The following CDH18 variants were observed in gnomAD, a reference collection of about 807,000 sequenced individuals.
CDH18 encodes cadherin 18.
A neutral mutation model predicts 67.9 loss-of-function variants in CDH18; 31 were observed. The observed-to-expected ratio is 0.46, with a 90% CI of 0.34 to 0.62. The LOEUF (loss-of-function observed/expected upper bound fraction) is 0.62. CDH18 is among the 20% of genes least tolerant of loss of function. The probability of loss-of-function intolerance (pLI) is 0.01; values close to 1 mark genes in which losing one functional copy is unlikely to be tolerated. For synonymous variants in CDH18, 362 were observed against 347.2 expected (o/e 1.04, Z -0.48); for missense variants, 890 against 975.5 (o/e 0.91, Z 1.17).
chr5:20,406,886 C>T (rs1397453332), intron 1 of CDH18, among the ~76,000 whole-genome samples: 1 of 152,150 alleles, frequency 6.6e-6, no homozygotes, highest in South Asian at 2.1e-4. Context: ...CACATTAAAA[C>T]TGGTAGGAAA....
chr5:19,782,149 T>G (rs766830234), intron 3 of CDH18, among the ~76,000 whole-genome samples: 1 of 152,140 alleles, frequency 6.6e-6, no homozygotes, highest in Non-Finnish European at 1.5e-5. Flanking sequence ...GAAAGACGTT[T>G]AATTTACTCA....
intron 11 of CDH18, among the ~76,000 whole-genome samples, chr5:19,492,577 CT>C (rs1426191466): frequency 3.3e-5 from 5 of 152,040 alleles, no homozygotes; most frequent in African/African-American, 1.2e-4. Context: ...ACATTTCATA[CT>C]TTTTTGTTGT....
rs1741429096 is a variant in CDH18 at position 19,571,712 on chromosome 5, CAAT to C, written c.1117_1119del (p.Ile373del). 1 of 1,613,824 alleles carries C rather than the reference CAAT, an allele frequency of 6.2e-7. No individual in the cohort carries two copies. The highest frequency in any genetic ancestry group is 8.5e-7 in the Non-Finnish European group (1 of 1,179,936). On this transcript the variant is annotated inframe_deletion, in exon 8 of 13. Transcript: ENST00000382275. ...AGTGGTGGTTCATCTACATCCCCAA[CAAT>C]GATCTTCAGCATAGTAGCATCTTTA...
chr5:20,299,523 G>A (rs1196212609), intron 1 of CDH18, among the ~76,000 whole-genome samples: 1 of 151,834 alleles, frequency 6.6e-6, no homozygotes, highest in Non-Finnish European at 1.5e-5. Context: ...CACTTTGGGA[G>A]CCCGATGCAG....
chr5:19,803,573 G>A (rs1777690977), intron 3 of CDH18, among the ~76,000 whole-genome samples: 1 of 152,104 alleles, frequency 6.6e-6, no homozygotes, highest in South Asian at 2.1e-4. Flanking sequence ...ACCCATTATG[G>A]TAATTCAGCC....
At chr5:20,288,852 T>G (rs1746889207) in intron 1 of CDH18, among the ~76,000 whole-genome samples, 1 of 151,948 alleles carries the variant, frequency 6.6e-6, no homozygotes, top group Admixed American at 6.6e-5. Flanking sequence ...AACTTTTATA[T>G]TTTTAAAATA....
At chr5:19,749,910 G>GTA (rs1226184568) in intron 3 of CDH18, among the ~76,000 whole-genome samples, 1 of 151,634 alleles carries the variant, frequency 6.6e-6, no homozygotes, top group African/African-American at 2.4e-5. Context: ...ATTGTAATAA[G>GTA]ATTAGTAAAT....
chr5:20,261,158 T>G (rs2126632923), intron 1 of CDH18, among the ~76,000 whole-genome samples: 1 of 152,322 alleles, frequency 6.6e-6, no homozygotes, highest in African/African-American at 2.4e-5. Flanking sequence ...AATGCATTGT[T>G]TCAGTAGTCC....
intron 3 of CDH18, among the ~76,000 whole-genome samples, chr5:19,753,336 C>A (rs1026200554): frequency 6.6e-6 from 1 of 152,008 alleles, no homozygotes; most frequent in Non-Finnish European, 1.5e-5. Context: ...ATTGCATAAA[C>A]AAAAACAATA....
intron 1 of CDH18, among the ~76,000 whole-genome samples, chr5:20,409,122 A>G (rs72745091): frequency 6.6e-6 from 1 of 151,996 alleles, no homozygotes; most frequent in Non-Finnish European, 1.5e-5. Context: ...AGGTAACTAC[A>G]ATACCACACT....
chr5:20,212,582 A>C (rs1026585985), intron 2 of CDH18, among the ~76,000 whole-genome samples: 2 of 152,142 alleles, frequency 1.3e-5, no homozygotes, highest in African/African-American at 4.8e-5. Flanking sequence ...CAGATCTCTC[A>C]GCAGAAACTG....
chr5:19,492,079 A>G (rs1248835730), intron 11 of CDH18, among the ~76,000 whole-genome samples: 1 of 152,082 alleles, frequency 6.6e-6, no homozygotes, highest in East Asian at 1.9e-4. Context: ...AAAAAAAAAT[A>G]AGCATTTTCA....
intron 2 of CDH18, among the ~76,000 whole-genome samples, chr5:19,935,149 A>G (rs1794097722): frequency 6.6e-6 from 1 of 151,290 alleles, no homozygotes; most frequent in African/African-American, 2.4e-5. Context: ...CAAAAACTTT[A>G]AGGACCCTTA....
intron 2 of CDH18, among the ~76,000 whole-genome samples, chr5:19,934,846 T>G (rs1013531514): frequency 2.0e-5 from 3 of 151,404 alleles, no homozygotes; most frequent in African/African-American, 7.3e-5. Context: ...AGTGGCTAGT[T>G]ATGGTCTTTC....
intron 6 of CDH18, among the ~76,000 whole-genome samples, chr5:19,602,800 C>T (rs771966136): frequency 5.9e-5 from 9 of 151,994 alleles, no homozygotes; most frequent in Non-Finnish European, 1.0e-4. Flanking sequence ...CCTATCTCTA[C>T]TAAAAGTACA....
At chr5:20,412,683 C>T (rs145656533) in intron 1 of CDH18, among the ~76,000 whole-genome samples, 180 of 152,232 alleles carry the variant, frequency 1.2e-3, no homozygotes, top group Non-Finnish European at 1.5e-3. Context: ...GCAAAGGACA[C>T]GAACACGTCT....
chr5:20,388,724 G>A (rs1011639093), intron 1 of CDH18, among the ~76,000 whole-genome samples: 2 of 152,008 alleles, frequency 1.3e-5, no homozygotes, highest in Admixed American at 1.3e-4. Flanking sequence ...AAATTTCCCT[G>A]TACACACTGA....
At chr5:19,557,841 C>A (rs1319442175) in intron 8 of CDH18, among the ~76,000 whole-genome samples, 2 of 152,066 alleles carry the variant, frequency 1.3e-5, no homozygotes, top group Non-Finnish European at 2.9e-5. Context: ...GCAGAATATT[C>A]ATTCTATTCA....
intron 1 of CDH18, among the ~76,000 whole-genome samples, chr5:20,414,652 T>C (rs892849642): frequency 6.6e-6 from 1 of 152,128 alleles, no homozygotes; most frequent in Non-Finnish European, 1.5e-5. Context: ...AACTACTTGA[T>C]TGAAAAATGA....
Sources: gnomAD v4.1 joint callset for allele counts (sites outside exome capture counted in the v4.1 genomes callset) on GRCh38, gnomAD v4.1.1 for gene constraint, MANE v1.5 for transcripts, NCBI Gene and HGNC (gene_info 2026-07-23, HGNC 2026-07-21) for gene names.